The following FNDC3A variants were observed in gnomAD, a reference collection of about 807,000 sequenced individuals.
FNDC3A encodes fibronectin type III domain containing 3A.
A neutral mutation model predicts 148.9 loss-of-function variants in FNDC3A; 32 were observed. The observed-to-expected ratio is 0.21, with a 90% confidence interval of 0.16 to 0.29. The LOEUF is 0.29. Ranked by LOEUF, FNDC3A falls within the 10% of genes least tolerant of loss-of-function variation. The pLI, the probability that FNDC3A is intolerant of heterozygous loss-of-function variation, is 1.00. For missense variants in FNDC3A, 1,191 were observed against 1,452.8 expected, an observed-to-expected ratio of 0.82 and a Z score of 2.93; for synonymous variants, 472 against 473.6, an observed-to-expected ratio of 1.00 and a Z score of 0.04.
chr13:49,162,133 C>T (rs1365341793), intron 8 of FNDC3A, among the ~76,000 whole-genome samples: 15 of 152,124 alleles, frequency 9.9e-5, no homozygotes, highest in Middle Eastern at 3.4e-3. Flanking sequence ...CTCTGTATTT[C>T]GTAAATTTGA....
At chr13:49,116,501 C>T (rs1880968417) in intron 4 of FNDC3A, among the ~76,000 whole-genome samples, 1 of 152,136 alleles carries the variant, frequency 6.6e-6, no homozygotes, top group Admixed American at 6.5e-5. Flanking sequence ...AGTGGATAAA[C>T]TCTATAATGT....
intron 2 of FNDC3A, among the ~76,000 whole-genome samples, chr13:49,040,969 G>T (rs1014756792): frequency 3.3e-5 from 5 of 151,968 alleles, no homozygotes; most frequent in African/African-American, 9.7e-5. Flanking sequence ...TCTTCCCTCC[G>T]CTCATCATAT....
At chr13:49,027,926 TA>T (rs1307795757) in intron 2 of FNDC3A, among the ~76,000 whole-genome samples, 1 of 152,020 alleles carries the variant, frequency 6.6e-6, no homozygotes, top group African/African-American at 2.4e-5. Flanking sequence ...ACCAAATGGA[TA>T]AAAATTCAGG....
intron 2 of FNDC3A, among the ~76,000 whole-genome samples, chr13:49,009,377 T>A (rs1952289986): frequency 1.3e-5 from 2 of 152,214 alleles, no homozygotes; most frequent in Admixed American, 6.6e-5. Flanking sequence ...AAGGACATCT[T>A]GGTCACTTCC....
At chr13:49,015,916 C>T (rs1190290426) in intron 2 of FNDC3A, among the ~76,000 whole-genome samples, 6 of 150,430 alleles carry the variant, frequency 4.0e-5, no homozygotes, top group Non-Finnish European at 8.9e-5. Context: ...TATTGATTTG[C>T]GTATATTGAA....
intron 2 of FNDC3A, among the ~76,000 whole-genome samples, chr13:49,008,119 A>G (rs1315477059): frequency 2.6e-5 from 4 of 152,330 alleles, no homozygotes; most frequent in East Asian, 3.9e-4. Flanking sequence ...AAAGCACTCA[A>G]TAAATATTTA....
At chr13:49,010,220 G>A (rs1340420955) in intron 2 of FNDC3A, among the ~76,000 whole-genome samples, 1 of 152,208 alleles carries the variant, frequency 6.6e-6, no homozygotes, top group Non-Finnish European at 1.5e-5. Flanking sequence ...TAATAATTCT[G>A]ACCATCTTTG....
intron 23 of FNDC3A, among the ~76,000 whole-genome samples, chr13:49,199,215 T>TAGTGAGAGACCATAGTGAGAGG (rs1204576554): frequency 1.3e-5 from 2 of 152,012 alleles, no homozygotes; most frequent in African/African-American, 4.8e-5. Flanking sequence ...GAGATGGGGT[T>TAGTGAGAGACCATAGTGAGAGG]TCACCATGTC....
At chr13:49,063,739 G>A (rs1321027427) in intron 2 of FNDC3A, among the ~76,000 whole-genome samples, 9 of 152,194 alleles carry the variant, frequency 5.9e-5, no homozygotes, top group Non-Finnish European at 7.4e-5. Context: ...CCATACTCAC[G>A]TCTCTCTGGG....
chr13:49,011,943 A>G (rs1952354154), intron 2 of FNDC3A, among the ~76,000 whole-genome samples: 1 of 152,178 alleles, frequency 6.6e-6, no homozygotes. Context: ...GAACTGTATC[A>G]AGCATAGGTC....
chr13:49,028,130 G>T (rs561654216), intron 2 of FNDC3A, among the ~76,000 whole-genome samples: 18 of 152,006 alleles, frequency 1.2e-4, no homozygotes, highest in African/African-American at 3.6e-4. Flanking sequence ...CAGGAGAATC[G>T]CTTGAACCCC....
rs772219755 is a variant in FNDC3A, at chr13:49,203,317, A to T, written c.3282+33A>T. ...CCAAGATATTAATGTGTGGATGCAT[A>T]TTTTTACCCTTTTTTAATTTTTATG... On this transcript the variant is annotated intron_variant, in intron 25 of 25. Transcript: ENST00000492622. 6.0e-6 allele frequency: 9 copies of T among 1,511,930 alleles called. No individual in the cohort carries two copies. The South Asian group carries it at 8.6e-5, about 14-fold the overall frequency. The allele number at this position is 1,511,930 out of a possible 1,614,324, so 93.7% of individuals were successfully genotyped here. A position where few individuals can be genotyped will look rare whatever the true frequency, so the allele number is the denominator to read the frequency against.
intron 2 of FNDC3A, among the ~76,000 whole-genome samples, chr13:49,052,615 G>T (rs937677637): frequency 1.3e-5 from 2 of 152,176 alleles, no homozygotes; most frequent in Non-Finnish European, 2.9e-5. Context: ...GTCTTTGGTT[G>T]TGTTTTTGTT....
intron 10 of FNDC3A, among the ~76,000 whole-genome samples, 196 bp from the exon 11 acceptor site, chr13:49,171,847 C>T (rs1287522256): frequency 6.6e-6 from 1 of 152,126 alleles, no homozygotes; most frequent in Non-Finnish European, 1.5e-5. Context: ...TGAGTAGCTT[C>T]TTGCTTTCTT....
At chr13:49,201,443 T>C (rs1355745008) in intron 23 of FNDC3A, among the ~76,000 whole-genome samples, 1 of 152,128 alleles carries the variant, frequency 6.6e-6, no homozygotes, top group African/African-American at 2.4e-5. Context: ...AAATAATTTG[T>C]AATGAAAATT....
intron 3 of FNDC3A, among the ~76,000 whole-genome samples, chr13:49,109,223 C>A (rs1307689416): frequency 6.6e-6 from 1 of 152,118 alleles, no homozygotes; most frequent in Non-Finnish European, 1.5e-5. Flanking sequence ...GGTGATCATA[C>A]TTTTACATAT....
At chr13:49,051,725 A>C (rs900737551) in intron 2 of FNDC3A, among the ~76,000 whole-genome samples, 1 of 152,188 alleles carries the variant, frequency 6.6e-6, no homozygotes, top group Admixed American at 6.5e-5. Flanking sequence ...GATCTCTAGC[A>C]AGGCTGGAGA....
At chr13:49,072,400 G>T (rs1351670196) in intron 2 of FNDC3A, among the ~76,000 whole-genome samples, 1 of 152,064 alleles carries the variant, frequency 6.6e-6, no homozygotes, top group African/African-American at 2.4e-5. Context: ...AAGAAAATGA[G>T]TTGGCTCTAA....
chr13:48,985,738 A>G (rs573481127), intron 1 of FNDC3A, among the ~76,000 whole-genome samples: 56 of 152,366 alleles, frequency 3.7e-4, no homozygotes, highest in Non-Finnish European at 5.4e-4. Context: ...ACACACAGGT[A>G]AGCACAGAGA....
Sources: allele counts gnomAD v4.1 joint callset (sites outside exome capture counted in the v4.1 genomes callset), GRCh38; gene constraint gnomAD v4.1.1; transcripts MANE v1.5; gene names NCBI Gene and HGNC (gene_info 2026-07-23, HGNC 2026-07-21).